The following NELL1 variants were observed in gnomAD, a reference collection of about 807,000 sequenced individuals.
The protein encoded by NELL1 is protein kinase C-binding protein NELL1.
In NELL1, 76 loss-of-function variants were observed where a neutral mutation model predicts 107.4. The ratio of observed to expected loss-of-function variants is 0.71; its 90% confidence interval spans 0.59 to 0.86. The LOEUF (loss-of-function observed/expected upper bound fraction) is 0.86. Ranked by LOEUF, NELL1 falls within the 40% of genes least tolerant of loss-of-function variation. The probability of loss-of-function intolerance (pLI) is 0.00; values close to 1 mark genes in which losing one functional copy is unlikely to be tolerated. For synonymous variants in NELL1, 353 were observed against 341.2 expected, an observed-to-expected ratio of 1.03 and a Z score of -0.38; for missense variants, 1,024 against 1,005.5, an observed-to-expected ratio of 1.02 and a Z score of -0.25.
intron 13 of NELL1, among the ~76,000 whole-genome samples, chr11:21,120,110 A>G (rs1404850465): frequency 6.6e-6 from 1 of 152,144 alleles, no homozygotes; most frequent in African/African-American, 2.4e-5. Flanking sequence ...GGCATGGAAG[A>G]AACCTTAAAG....
At chr11:21,144,440 T>C (rs910138889) in intron 13 of NELL1, among the ~76,000 whole-genome samples, 1 of 152,204 alleles carries the variant, frequency 6.6e-6, no homozygotes. Flanking sequence ...CCTGGATGAA[T>C]AAGCTCTTAC....
intron 13 of NELL1, among the ~76,000 whole-genome samples, chr11:21,146,841 C>A (rs1054229334): frequency 2.0e-5 from 3 of 151,978 alleles, no homozygotes; most frequent in African/African-American, 7.3e-5. Flanking sequence ...GTCAGGAGTT[C>A]GAGACCAGCC....
At chr11:21,118,828 T>C (rs913149425) in intron 13 of NELL1, among the ~76,000 whole-genome samples, 1 of 152,078 alleles carries the variant, frequency 6.6e-6, no homozygotes, top group African/African-American at 2.4e-5. Flanking sequence ...TTAGCTTTGC[T>C]ACTCAGTTTT....
intron 4 of NELL1, among the ~76,000 whole-genome samples, chr11:20,864,712 T>C (rs948656403): frequency 3.9e-5 from 6 of 152,394 alleles, no homozygotes; most frequent in African/African-American, 1.2e-4. Context: ...TAAAGGGCCA[T>C]GGCAGGCCCA....
rs150883714 is a variant in NELL1, at chr11:20,938,008, C to T, written c.1071+149C>T. 276 of 687,978 alleles carry T rather than the reference C, an allele frequency of 4.0e-4. 2 individuals carry two copies. The highest frequency in any genetic ancestry group is 3.4e-3 in the Middle Eastern group (13 of 3,858). The allele number at this position is 687,978 out of a possible 1,614,324, so 42.6% of individuals were successfully genotyped here. On this transcript the variant is annotated intron_variant, in intron 10 of 19. Transcript: ENST00000357134. ...TGCGGTGGGTTGGATTACATGATGG[C>T]GAGGATCCAGCCAGGCCATTTATGT...
At chr11:20,864,173 A>C (rs1849051640) in intron 4 of NELL1, among the ~76,000 whole-genome samples, 1 of 152,138 alleles carries the variant, frequency 6.6e-6, no homozygotes, top group Admixed American at 6.5e-5. Flanking sequence ...ATTTTTTAAC[A>C]ATTAAAAAAA....
At chr11:21,364,152 T>C (rs1186242329) in intron 14 of NELL1, among the ~76,000 whole-genome samples, 1 of 152,104 alleles carries the variant, frequency 6.6e-6, no homozygotes, top group Non-Finnish European at 1.5e-5. Context: ...GGCTCACGCC[T>C]GTAATCCCAG....
At chr11:20,699,611 G>A (rs1342165988) in intron 2 of NELL1, among the ~76,000 whole-genome samples, 4 of 152,058 alleles carry the variant, frequency 2.6e-5, no homozygotes, top group Non-Finnish European at 4.4e-5. Context: ...GCCCACCTTG[G>A]CCTCCCAAAG....
intron 11 of NELL1, among the ~76,000 whole-genome samples, chr11:20,954,708 T>TA (rs1231003005): frequency 1.3e-5 from 2 of 152,202 alleles, no homozygotes; most frequent in Non-Finnish European, 2.9e-5. Flanking sequence ...TCCATTAATT[T>TA]AAAAAACACA....
chr11:20,924,486 G>A (rs1044676392), intron 7 of NELL1, among the ~76,000 whole-genome samples: 5 of 152,130 alleles, frequency 3.3e-5, no homozygotes, highest in African/African-American at 1.2e-4. Flanking sequence ...CATTTTCTTT[G>A]GAATTGAGTT....
chr11:21,195,627 T>C (rs1857137410), intron 13 of NELL1, among the ~76,000 whole-genome samples: 1 of 151,598 alleles, frequency 6.6e-6, no homozygotes, highest in Non-Finnish European at 1.5e-5. Flanking sequence ...CCTAATGTAA[T>C]ATATCCAAAT....
intron 14 of NELL1, among the ~76,000 whole-genome samples, chr11:21,242,790 T>C (rs1167541207): frequency 6.6e-6 from 1 of 152,158 alleles, no homozygotes; most frequent in Non-Finnish European, 1.5e-5. Flanking sequence ...AAGCCTCTGA[T>C]GCTGCCAGTT....
intron 17 of NELL1, among the ~76,000 whole-genome samples, chr11:21,561,949 C>CA (rs1856859697): frequency 6.6e-6 from 1 of 151,950 alleles, no homozygotes; most frequent in African/African-American, 2.4e-5. Flanking sequence ...TTAGGTCTCC[C>CA]ATTCAGCCAG....
chr11:21,272,448 G>A (rs1848760606), intron 14 of NELL1, among the ~76,000 whole-genome samples: 4 of 152,234 alleles, frequency 2.6e-5, no homozygotes, highest in Admixed American at 2.0e-4. Context: ...AAGGAGGCCT[G>A]CCTGCCTCTG....
chr11:21,360,515 G>C (rs1851051703), intron 14 of NELL1, among the ~76,000 whole-genome samples: 1 of 152,070 alleles, frequency 6.6e-6, no homozygotes, highest in Non-Finnish European at 1.5e-5. Flanking sequence ...ATTTGTTCTA[G>C]GGTATAGTTT....
intron 14 of NELL1, among the ~76,000 whole-genome samples, chr11:21,262,929 T>C (rs1308860674): frequency 6.6e-6 from 1 of 151,920 alleles, no homozygotes; most frequent in African/African-American, 2.4e-5. Flanking sequence ...TCAATTTTTA[T>C]ACTTGTCTTC....
chr11:20,854,471 C>T (rs1156839401), intron 4 of NELL1, among the ~76,000 whole-genome samples: 1 of 152,120 alleles, frequency 6.6e-6, no homozygotes, highest in African/African-American at 2.4e-5. Flanking sequence ...TGTAGTGGAC[C>T]TACAGGGGTT....
In NELL1 at chr11:21,337,003, T is replaced by G. The variant is rs376158997; in HGVS notation, c.1550-33850T>G. Among the ~76,000 whole-genome samples, 270 of 152,156 alleles carry G rather than the reference T, an allele frequency of 1.8e-3. 7 individuals are homozygous for G. The South Asian group carries it at 0.053, about 30-fold the overall frequency. ...TGCTCAGTTAAACAATATGTGACCA[T>G]TTGAACAGATGATGTTGTAAGAAAG... On this transcript the variant is annotated intron_variant, in intron 14 of 19. Transcript: ENST00000357134.
At chr11:21,478,456 C>T (rs987422507) in intron 15 of NELL1, among the ~76,000 whole-genome samples, 2 of 152,080 alleles carry the variant, frequency 1.3e-5, no homozygotes, top group African/African-American at 4.8e-5. Flanking sequence ...AGTTTAAGTA[C>T]AAAGTCTCAT....
Sources: allele counts gnomAD v4.1 joint callset (sites outside exome capture counted in the v4.1 genomes callset), GRCh38; gene constraint gnomAD v4.1.1; transcripts MANE v1.5; gene names NCBI Gene and HGNC (gene_info 2026-07-23, HGNC 2026-07-21).